GABRB2: variants seen among roughly 807,000 people sequenced by gnomAD.
The protein encoded by GABRB2 is gamma-aminobutyric acid type A receptor subunit beta2.
In GABRB2, 16 loss-of-function variants were observed where a neutral mutation model predicts 54.7. The ratio of observed to expected loss-of-function variants is 0.29; its 90% CI spans 0.20 to 0.44. The LOEUF (loss-of-function observed/expected upper bound fraction) is 0.44, where lower values mean the gene tolerates loss of function less well. Ranked by LOEUF, GABRB2 falls within the 20% of genes least tolerant of loss-of-function variation. The pLI, the probability that GABRB2 is intolerant of heterozygous loss-of-function variation, is 1.00. For synonymous variants in GABRB2, 244 were observed against 233.8 expected (o/e 1.04, Z -0.40); for missense variants, 355 against 644.0 (o/e 0.55, Z 4.86).
At chr5:161,342,242 T>C (rs1754191547) in intron 5 of GABRB2, among the ~76,000 whole-genome samples, 1 of 151,870 alleles carries the variant, frequency 6.6e-6, no homozygotes, top group East Asian at 1.9e-4. Context: ...GTGCATAAAT[T>C]TAATGTGTAC....
intron 5 of GABRB2, among the ~76,000 whole-genome samples, chr5:161,363,954 G>A (rs1754898740): frequency 6.6e-6 from 1 of 152,094 alleles, no homozygotes; most frequent in Non-Finnish European, 1.5e-5. Flanking sequence ...AGTTACAGGG[G>A]AAAATTGTTG....
intron 3 of GABRB2, among the ~76,000 whole-genome samples, chr5:161,489,020 C>T (rs1759019152): frequency 1.3e-5 from 2 of 151,636 alleles, no homozygotes; most frequent in South Asian, 4.1e-4. Context: ...GAAAGAAATG[C>T]AAGACATGCT....
At chr5:161,495,349 T>C (rs1239018401) in intron 3 of GABRB2, among the ~76,000 whole-genome samples, 1 of 151,954 alleles carries the variant, frequency 6.6e-6, no homozygotes, top group East Asian at 1.9e-4. Context: ...CAATGATTAT[T>C]CTATGGCAAA....
At chr5:161,385,547 C>G (rs555455945) in intron 5 of GABRB2, among the ~76,000 whole-genome samples, 11 of 152,186 alleles carry the variant, frequency 7.2e-5, no homozygotes, top group African/African-American at 2.4e-4. Flanking sequence ...GAGAAATTGC[C>G]CTTAGCTTGT....
intron 3 of GABRB2, among the ~76,000 whole-genome samples, chr5:161,463,511 AT>A (rs1223193941): frequency 3.7e-5 from 5 of 133,716 alleles, no homozygotes; most frequent in African/African-American, 8.5e-5. Context: ...CCCTATCAGG[AT>A]TTTTTTTGTA....
At chr5:161,430,326 G>T (rs1163409125) in intron 4 of GABRB2, among the ~76,000 whole-genome samples, 12 of 152,128 alleles carry the variant, frequency 7.9e-5, no homozygotes, top group Admixed American at 2.0e-4. Flanking sequence ...ACATTTCTTT[G>T]AATTTTAGAT....
chr5:161,434,945 A>G (rs762921208), intron 4 of GABRB2, among the ~76,000 whole-genome samples: 2 of 152,176 alleles, frequency 1.3e-5, no homozygotes, highest in Non-Finnish European at 2.9e-5. Context: ...GGTTTGATGA[A>G]CAAGCATGTC....
intron 3 of GABRB2, among the ~76,000 whole-genome samples, chr5:161,519,098 T>TC (rs1248978815): frequency 1.3e-5 from 2 of 152,156 alleles, no homozygotes; most frequent in Non-Finnish European, 2.9e-5. Flanking sequence ...AAAGAAAGGT[T>TC]AAGTTTCATG....
At chr5:161,437,235 C>A (rs1757338653) in intron 4 of GABRB2, among the ~76,000 whole-genome samples, 1 of 151,744 alleles carries the variant, frequency 6.6e-6, no homozygotes, top group Admixed American at 6.6e-5. Context: ...CAAAAGAGAC[C>A]CCTTCCTTCT....
chr5:161,388,342 T>G (rs1234699746), intron 5 of GABRB2, among the ~76,000 whole-genome samples: 1 of 152,110 alleles, frequency 6.6e-6, no homozygotes, highest in East Asian at 1.9e-4. Flanking sequence ...AATCTGTTAG[T>G]ATATTAAAAA....
chr5:161,295,565 G>A (rs1422656396), intron 9 of GABRB2, among the ~76,000 whole-genome samples: 2 of 152,080 alleles, frequency 1.3e-5, no homozygotes, highest in Non-Finnish European at 1.5e-5. Flanking sequence ...GATGATATAT[G>A]GAAACAAGGC....
chr5:161,313,510 T>C (rs1757936678), intron 9 of GABRB2, among the ~76,000 whole-genome samples: 2 of 150,332 alleles, frequency 1.3e-5, no homozygotes, highest in Non-Finnish European at 3.0e-5. Flanking sequence ...TGATTAATGA[T>C]TCAAAAAACA....
rs1388790575 is a variant in GABRB2, at chr5:161,372,983, A to G, written c.542-36214T>C. Among the ~76,000 whole-genome samples the G allele has an allele frequency of 2.6e-5, 4 of 152,302 alleles. No individual in the cohort carries two copies. In the East Asian group the frequency reaches 7.7e-4, roughly 29 times the overall value. ...TAGGAAGAAAGCACTAACATAGGAC[A>G]TTTATTTATAGAAAAATTCAACACA... On this transcript the variant is annotated intron_variant, in intron 5 of 9. Transcript: ENST00000393959.
At chr5:161,318,531 T>A (rs1013867487) in intron 9 of GABRB2, among the ~76,000 whole-genome samples, 2 of 152,060 alleles carry the variant, frequency 1.3e-5, no homozygotes, top group Non-Finnish European at 2.9e-5. Context: ...AAATTTGTTA[T>A]GCTCTAAGTT....
intron 3 of GABRB2, among the ~76,000 whole-genome samples, chr5:161,544,309 T>A (rs966800385): frequency 1.3e-5 from 2 of 152,218 alleles, no homozygotes; most frequent in African/African-American, 4.8e-5. Flanking sequence ...CATTAAAATG[T>A]GGCCTATCTA....
At chr5:161,332,303 A>G (rs544840486) in intron 7 of GABRB2, among the ~76,000 whole-genome samples, 1 of 152,320 alleles carries the variant, frequency 6.6e-6, no homozygotes, top group African/African-American at 2.4e-5. Flanking sequence ...ATATCAATAA[A>G]TGATTATAAA....
In GABRB2 at chr5:161,290,330, A is replaced by T. The variant is rs1435247207; in HGVS notation, c.*3751T>A. The T allele has an allele frequency of 6.6e-6, 1 of 152,206 alleles. No individual in the cohort carries two copies. The highest frequency in any genetic ancestry group is 2.4e-5 in the African/African-American group (1 of 41,322). The allele number at this position is 152,206 out of a possible 1,614,324, so 9.4% of individuals were successfully genotyped here. On this transcript the variant is annotated 3_prime_UTR_variant, in exon 10 of 10. Coordinates refer to ENST00000393959, the MANE Select transcript of GABRB2 (RefSeq NM_001371727.1). ...ATGTTTGTTTTTGACTCACCAATGG[A>T]CAATGTTATTTGTTTCCTTGAAAAA...
intron 4 of GABRB2, among the ~76,000 whole-genome samples, chr5:161,428,288 CGTGTGT>C (rs71302909): frequency 0.012 from 1,712 of 145,266 alleles, 29 homozygotes; most frequent in African/African-American, 0.039. Flanking sequence ...CAGAGAGTTA[CGTGTGT>C]GTGTGTGTGT....
Position 161,546,650 on chromosome 5 carries a change from A to G in GABRB2, c.-7T>C, listed in dbSNP as rs1311874817. ...TTTTCCGCACTCTCCACATCCCTTT[A>G]GTTTTTGATGGAATTGAGGGTTTCA... On this transcript the variant is annotated 5_prime_UTR_variant, in exon 1 of 10. Coordinates refer to ENST00000393959, the MANE Select transcript of GABRB2 (RefSeq NM_001371727.1). 2 of 1,587,058 alleles carry G rather than the reference A, an allele frequency of 1.3e-6. No homozygotes were observed. The highest frequency in any genetic ancestry group is 2.7e-5 in the African/African-American group (2 of 74,668).
Sources: gnomAD v4.1 joint callset for allele counts (sites outside exome capture counted in the v4.1 genomes callset) on GRCh38, gnomAD v4.1.1 for gene constraint, MANE v1.5 for transcripts, NCBI Gene and HGNC (gene_info 2026-07-23, HGNC 2026-07-21) for gene names.